PKD1L1: variants seen among roughly 807,000 people sequenced by gnomAD.
The protein encoded by PKD1L1 is polycystin-1-like protein 1.
PKD1L1 carries 236 observed loss-of-function variants against 323.4 expected under a neutral mutation model. The ratio of observed to expected loss-of-function variants is 0.73; its 90% CI spans 0.66 to 0.81. The LOEUF (loss-of-function observed/expected upper bound fraction) is 0.81, where lower values mean the gene tolerates loss of function less well. Ranked by LOEUF, PKD1L1 falls within the 40% of genes least tolerant of loss-of-function variation. The pLI is 0.00. For missense variants in PKD1L1, 3,320 were observed against 3,508.0 expected, an observed-to-expected ratio of 0.95 and a Z score of 1.35; for synonymous variants, 1,344 against 1,335.0, an observed-to-expected ratio of 1.01 and a Z score of -0.15.
intron 52 of PKD1L1, among the ~76,000 whole-genome samples, chr7:47,805,739 G>C (rs960146962): frequency 1.1e-4 from 17 of 152,302 alleles, no homozygotes; most frequent in Middle Eastern, 3.4e-3. Flanking sequence ...CAGTTACCCA[G>C]GACCCCAAGA....
At chr7:47,870,368 C>CA (rs1267767721) in intron 24 of PKD1L1, among the ~76,000 whole-genome samples, 2 of 144,064 alleles carry the variant, frequency 1.4e-5, no homozygotes, top group Non-Finnish European at 3.0e-5. Context: ...GACTGACAGA[C>CA]AAAAAATAAG....
intron 40 of PKD1L1, among the ~76,000 whole-genome samples, chr7:47,833,701 C>T (rs565085141): frequency 3.3e-5 from 5 of 152,238 alleles, no homozygotes; most frequent in East Asian, 1.9e-4. Flanking sequence ...GTGGAGCTGC[C>T]GCCAGAGAGT....
chr7:47,825,267 T>C (rs760684572), intron 45 of PKD1L1, among the ~76,000 whole-genome samples: 1 of 150,610 alleles, frequency 6.6e-6, no homozygotes. Flanking sequence ...TGGTGGCTCA[T>C]GCCTATAATC....
At chr7:47,949,633 T>C (rs1788173532), upstream of PKD1L1, among the ~76,000 whole-genome samples, 1 of 152,166 alleles carries the variant, frequency 6.6e-6, no homozygotes, top group Non-Finnish European at 1.5e-5. Context: ...GTTGTCTTAG[T>C]TCTTTATACC....
chr7:47,867,375 C>T lies in PKD1L1; in HGVS notation c.3897-761G>A, dbSNP rs1362971178. Among the ~76,000 whole-genome samples the T allele has an allele frequency of 3.9e-5, 6 of 152,022 alleles. No individual in the cohort carries two copies. In the East Asian group the frequency reaches 7.7e-4, roughly 20 times the overall value. On this transcript the variant is annotated intron_variant, in intron 24 of 56. Transcript: ENST00000289672. ...AGCAGAAACATCACTGGCTGCACAA[C>T]GAGGGGAAATATACTTTACAGAATT...
upstream of PKD1L1, among the ~76,000 whole-genome samples, chr7:47,952,774 A>G (rs1284649757): frequency 6.6e-6 from 1 of 152,240 alleles, no homozygotes; most frequent in Non-Finnish European, 1.5e-5. Context: ...ATCATGGTAC[A>G]CTTTTAAAGC....
At chr7:47,781,308 C>T (rs1786686334) in intron 56 of PKD1L1, among the ~76,000 whole-genome samples, 1 of 151,614 alleles carries the variant, frequency 6.6e-6, no homozygotes, top group South Asian at 2.1e-4. Context: ...CTTTGTTGAA[C>T]ATGCGGTCTG....
intron 3 of PKD1L1, among the ~76,000 whole-genome samples, chr7:47,939,317 A>C (rs1402057135): frequency 1.3e-5 from 2 of 152,232 alleles, no homozygotes; most frequent in Non-Finnish European, 2.9e-5. Context: ...TGCATGAGGA[A>C]TACTGAAAAA....
chr7:47,877,593 A>G lies in PKD1L1; in HGVS notation c.3559T>C (p.Leu1187=). ...TCCCGAGGAGCCGGGTTGACTGTCA[A>G]GTACAGCTGAGCTTTACCCAGTAAG... is the stretch of plus-strand genomic sequence containing the variant. ...HGLLGKAQLY[L]TVNPAPRDMA... is the part of the protein sequence containing the mutation. Residue 1187 remains leucine (L), a synonymous_variant, in exon 22 of 57, where the codon TTG becomes CTG. Transcript: ENST00000289672. The G allele has an allele frequency of 6.2e-7, 1 of 1,614,188 alleles. No homozygotes were observed. Among genetic ancestry groups the G allele is most frequent in the Non-Finnish European group, 8.5e-7 (1 of 1,180,018 alleles).
chr7:47,898,671 T>C (rs903580045), intron 13 of PKD1L1, among the ~76,000 whole-genome samples: 1 of 152,150 alleles, frequency 6.6e-6, no homozygotes, highest in Non-Finnish European at 1.5e-5. Context: ...GAAATATTCT[T>C]AAGTCATTCT....
rs562584431 is a variant in PKD1L1, at chr7:47,867,114, G to C, written c.3897-500C>G. Reference sequence around the variant, plus strand: ...TTTGCTGTATGAGCACAAGAGTATTGTTTAAGAGAAAAATGATCCTCAGTT... The same window carrying C: ...TTTGCTGTATGAGCACAAGAGTATTCTTTAAGAGAAAAATGATCCTCAGTT... On this transcript the variant is annotated intron_variant, in intron 24 of 56. Coordinates refer to ENST00000289672, the MANE Select transcript of PKD1L1 (RefSeq NM_138295.5). Among the ~76,000 whole-genome samples the C allele has an allele frequency of 5.3e-5, 8 of 152,180 alleles. No homozygotes were observed. The East Asian group carries it at 1.5e-3, about 29-fold the overall frequency.
intron 47 of PKD1L1, among the ~76,000 whole-genome samples, chr7:47,814,907 G>A (rs1289277775): frequency 4.6e-5 from 7 of 152,208 alleles, no homozygotes; most frequent in Admixed American, 3.9e-4. Context: ...TTCCGAACTT[G>A]GGATCAACCT....
Position 47,893,893 on chromosome 7 carries a change from G to C in PKD1L1, c.2438C>G (p.Pro813Arg). The change falls in exon 15 of 57, where the codon CCT becomes CGT. Residue 813 changes from proline (P) to arginine (R), a missense_variant. Coordinates refer to ENST00000289672, the MANE Select transcript of PKD1L1 (RefSeq NM_138295.5). ...TGGTGCTCACCTGAGAGTCGCCCCA[G>C]GGTCGTCAGGGTCGAAGGACTGGGT... ...RGTQSFDPDD[P>R]GATLRYHWEC... 2 of 1,613,492 alleles carry C rather than the reference G, an allele frequency of 1.2e-6. No individual in the cohort carries two copies. The highest frequency in any genetic ancestry group is 1.7e-6 in the Non-Finnish European group (2 of 1,179,870).
At chr7:47,830,574 C>T (rs546335693) in intron 42 of PKD1L1, among the ~76,000 whole-genome samples, 3 of 152,314 alleles carry the variant, frequency 2.0e-5, no homozygotes, top group South Asian at 4.1e-4. Context: ...TCCTATTTTA[C>T]AGATGAGCAA....
intron 45 of PKD1L1, among the ~76,000 whole-genome samples, chr7:47,826,466 G>A (rs1785242124): frequency 6.6e-6 from 1 of 152,054 alleles, no homozygotes; most frequent in Non-Finnish European, 1.5e-5. Flanking sequence ...CCTTGGAAAG[G>A]GATATGAAAA....
intron 42 of PKD1L1, among the ~76,000 whole-genome samples, chr7:47,830,739 G>A (rs1429090496): frequency 6.6e-6 from 1 of 152,178 alleles, no homozygotes; most frequent in African/African-American, 2.4e-5. Context: ...TGGGGTCTCC[G>A]ATGGCGAGTC....
At chr7:47,871,466 C>T (rs369428530) in intron 24 of PKD1L1, among the ~76,000 whole-genome samples, 2 of 152,228 alleles carry the variant, frequency 1.3e-5, no homozygotes, top group African/African-American at 4.8e-5. Context: ...AGGGACAGAA[C>T]GACCAAAGAG....
chr7:47,853,462 G>T (rs1347085715), intron 30 of PKD1L1, among the ~76,000 whole-genome samples: 1 of 152,034 alleles, frequency 6.6e-6, no homozygotes, highest in Non-Finnish European at 1.5e-5. Flanking sequence ...AAACACTTTG[G>T]CCAGGCACGG....
In PKD1L1 at chr7:47,893,940, T is replaced by A. The variant is rs747569701; in HGVS notation, c.2391A>T (p.Ser797=). 1 of 1,614,016 alleles carries A rather than the reference T, an allele frequency of 6.2e-7. No homozygotes were observed. Among genetic ancestry groups the A allele is most frequent in the Non-Finnish European group, 8.5e-7 (1 of 1,180,020 alleles). The change falls in exon 15 of 57, where the codon TCA becomes TCT. Residue 797 remains serine, a synonymous_variant. Transcript: ENST00000289672. Reference sequence around the variant, plus strand: ...GGGTCCCTCTGAGGACAATGGGGGATGAGGTGGTCCTGGAGAAGAATAGGT... The same window carrying A: ...GGGTCCCTCTGAGGACAATGGGGGAAGAGGTGGTCCTGGAGAAGAATAGGT... ...GTHLFFSRTT[S]SPIVLRGTQS...
Sources: gnomAD v4.1 joint callset for allele counts (sites outside exome capture counted in the v4.1 genomes callset) on GRCh38, gnomAD v4.1.1 for gene constraint, MANE v1.5 for transcripts, NCBI Gene and HGNC (gene_info 2026-07-23, HGNC 2026-07-21) for gene names.